Variants in SBF2 observed in about 807,000 individuals in gnomAD.
SBF2 encodes SET binding factor 2, also known as myotubularin-related protein 13.
SBF2 carries 112 observed loss-of-function variants against 225.2 expected under a neutral mutation model. That is an observed-to-expected ratio of 0.50 (90% CI 0.43 to 0.58). The LOEUF is 0.58. Ranked by LOEUF, SBF2 falls within the 20% of genes least tolerant of loss-of-function variation. The pLI is 0.00. For missense variants in SBF2, 1,996 were observed against 2,206.2 expected (o/e 0.90, Z 1.91); for synonymous variants, 763 against 773.3 (o/e 0.99, Z 0.22).
intron 6 of SBF2, among the ~76,000 whole-genome samples, chr11:10,012,752 A>C (rs1196001273): frequency 2.0e-5 from 3 of 151,864 alleles, no homozygotes; most frequent in African/African-American, 7.3e-5. Flanking sequence ...AATATACTGC[A>C]CTAAATTTGA....
chr11:10,293,837 C>T (rs1382870914), intron 1 of SBF2, among the ~76,000 whole-genome samples, 178 bp downstream of exon 1: 1 of 152,124 alleles, frequency 6.6e-6, no homozygotes, highest in African/African-American at 2.4e-5. Context: ...GTGCCGGCCC[C>T]CCCACGCCCA....
At chr11:9,868,337 CAAAAAAAAAAAAAAAAA>C (rs35348349) in intron 17 of SBF2, among the ~76,000 whole-genome samples, 30 of 26,380 alleles carry the variant, frequency 1.1e-3, no homozygotes, top group Admixed American at 4.5e-3. Flanking sequence ...TACAAAAATA[CAAAAAAAAAAAAAAAAA>C]AAAAAAAAAA....
chr11:9,910,713 C>CA lies in SBF2; in HGVS notation c.1861-14703dup, dbSNP rs573621489. Among the ~76,000 whole-genome samples the CA allele has an allele frequency of 3.7e-3, 554 of 149,690 alleles. 5 individuals carry two copies. The highest frequency in any genetic ancestry group is 5.1e-3 in the South Asian group (24 of 4,716). On this transcript the variant is annotated intron_variant, in intron 16 of 39. Transcript: ENST00000256190. ...ACAAGTTTAAAAAGTAAAAAAAAAA[C>CA]AACTTTTTTTTACTTTTTTCTACTT...
intron 16 of SBF2, among the ~76,000 whole-genome samples, chr11:9,956,171 T>A (rs184531446): frequency 6.6e-6 from 1 of 152,194 alleles, no homozygotes; most frequent in Non-Finnish European, 1.5e-5. Flanking sequence ...CTAGTGTTGG[T>A]TGGCATATGA....
At position 10,090,199 on chromosome 11, in the gene SBF2, T is replaced by C. The variant is rs979495944; in HGVS notation, c.142-47218A>G. On this transcript the variant is annotated intron_variant, in intron 2 of 39. Coordinates refer to ENST00000256190, the MANE Select transcript of SBF2 (RefSeq NM_030962.4). The stretch of plus-strand genomic sequence containing the variant: ...ATGAATGATGAGGGAAATGGGGTTA[T>C]TGTTTAACGGGTACAGCATCTGTAT... Among the ~76,000 whole-genome samples, 9 of 152,204 alleles carry C rather than the reference T, an allele frequency of 5.9e-5. 1 individual carries two copies. The South Asian group carries it at 1.2e-3, about 21-fold the overall frequency.
In SBF2 at chr11:9,779,906, A is replaced by T; in HGVS notation, c.*512T>A. 1 of 208,866 alleles carries T rather than the reference A, an allele frequency of 4.8e-6. No individual in the cohort carries two copies. The allele number at this position is 208,866 out of a possible 1,614,324, so 12.9% of individuals were successfully genotyped here. The stretch of plus-strand genomic sequence containing the variant: ...CTGGCAGAGCACGGACCATGGAAGC[A>T]TCTTTTGGCAGCACCAGAGAACTGA... On this transcript the variant is annotated 3_prime_UTR_variant, in exon 40 of 40. Transcript: ENST00000256190.
chr11:9,850,431 T>C (rs940300841), intron 21 of SBF2, among the ~76,000 whole-genome samples: 3 of 151,986 alleles, frequency 2.0e-5, no homozygotes, highest in Non-Finnish European at 2.9e-5. Flanking sequence ...TATTTTTAAA[T>C]TTTTTTTGTA....
intron 1 of SBF2, among the ~76,000 whole-genome samples, chr11:10,273,082 T>A (rs111570131): frequency 0.035 from 4,929 of 142,302 alleles, 85 homozygotes; most frequent in African/African-American, 0.049. Context: ...AAAAAAAAAA[T>A]AAATAAATAA....
chr11:10,072,636 A>C (rs1164558950), intron 2 of SBF2, among the ~76,000 whole-genome samples: 4 of 152,046 alleles, frequency 2.6e-5, no homozygotes, highest in Non-Finnish European at 5.9e-5. Flanking sequence ...CCTGGACAAC[A>C]AATAGAAGGA....
chr11:9,814,223 G>A (rs1424662094), intron 29 of SBF2, among the ~76,000 whole-genome samples: 2 of 152,146 alleles, frequency 1.3e-5, no homozygotes, highest in African/African-American at 4.8e-5. Flanking sequence ...GCCAAAGAAT[G>A]AATTAATTTT....
chr11:10,134,619 G>C (rs1463861218), intron 2 of SBF2, among the ~76,000 whole-genome samples: 1 of 152,118 alleles, frequency 6.6e-6, no homozygotes, highest in Non-Finnish European at 1.5e-5. Context: ...AAAACAAAGG[G>C]GTTACAGGCA....
intron 1 of SBF2, among the ~76,000 whole-genome samples, chr11:10,226,944 G>C (rs1958591906): frequency 1.3e-5 from 2 of 152,220 alleles, no homozygotes; most frequent in Non-Finnish European, 2.9e-5. Context: ...CCCACCAACA[G>C]TATAAAAGTG....
At chr11:10,166,080 T>C (rs951911031) in intron 2 of SBF2, among the ~76,000 whole-genome samples, 1 of 152,182 alleles carries the variant, frequency 6.6e-6, no homozygotes, top group East Asian at 1.9e-4. Context: ...ATTGGTTTTA[T>C]TTACCACTAT....
chr11:9,855,040 G>A (rs185886931), intron 19 of SBF2, among the ~76,000 whole-genome samples: 2 of 152,350 alleles, frequency 1.3e-5, no homozygotes, highest in East Asian at 3.9e-4. Context: ...ACAGAGTCTT[G>A]TGGAATTATG....
At chr11:9,857,056 G>C (rs1459202196) in intron 18 of SBF2, among the ~76,000 whole-genome samples, 2 of 152,148 alleles carry the variant, frequency 1.3e-5, no homozygotes, top group African/African-American at 4.8e-5. Context: ...CAAAGTGCTG[G>C]GATTACAGGC....
intron 2 of SBF2, among the ~76,000 whole-genome samples, chr11:10,061,013 G>A (rs1197962116): frequency 1.3e-5 from 2 of 151,880 alleles, no homozygotes; most frequent in Non-Finnish European, 2.9e-5. Context: ...GAGCAACAGA[G>A]CGAGACTCCA....
At chr11:10,178,787 G>C (rs554424815) in intron 2 of SBF2, among the ~76,000 whole-genome samples, 1 of 147,058 alleles carries the variant, frequency 6.8e-6, no homozygotes, top group African/African-American at 2.5e-5. Context: ...TCAGTGTGGC[G>C]ATTCCTCAGG....
At chr11:10,094,530 T>A (rs1951933467) in intron 2 of SBF2, among the ~76,000 whole-genome samples, 1 of 113,632 alleles carries the variant, frequency 8.8e-6, no homozygotes, top group Non-Finnish European at 2.1e-5. Flanking sequence ...ACACACAGAT[T>A]TTTTTTTTTT....
At chr11:9,892,357 G>A (rs1435640755) in intron 17 of SBF2, among the ~76,000 whole-genome samples, 2 of 151,776 alleles carry the variant, frequency 1.3e-5, no homozygotes, top group Non-Finnish European at 2.9e-5. Flanking sequence ...GGCCTCAAGT[G>A]ATCCACCACC....
Sources: allele counts gnomAD v4.1 joint callset (sites outside exome capture counted in the v4.1 genomes callset), GRCh38; gene constraint gnomAD v4.1.1; transcripts MANE v1.5; gene names NCBI Gene and HGNC (gene_info 2026-07-23, HGNC 2026-07-21).